Variants in KNG1 observed in about 807,000 individuals in gnomAD.
KNG1 encodes kininogen-1.
Under a neutral mutation model 47.8 loss-of-function variants are expected in KNG1, and 23 were observed. The ratio of observed to expected loss-of-function variants is 0.48; its 90% CI spans 0.35 to 0.68. KNG1 has a LOEUF of 0.68. Ranked by LOEUF, KNG1 falls within the 30% of genes least tolerant of loss-of-function variation. KNG1 has a pLI of 0.01. For synonymous variants in KNG1, 277 were observed against 277.0 expected (o/e 1.00, Z 0.00); for missense variants, 762 against 790.2 (o/e 0.96, Z 0.43).
chr3:186,732,769 C>G, intron 7 of KNG1, 95 bp downstream of exon 7: 1 of 972,466 alleles, frequency 1.0e-6, no homozygotes, highest in Non-Finnish European at 1.7e-6. Flanking sequence ...ATTGGGAAAC[C>G]ATACATTTGA....
intron 7 of KNG1, among the ~76,000 whole-genome samples, chr3:186,735,383 C>T (rs756970056): frequency 6.6e-6 from 1 of 151,988 alleles, no homozygotes; most frequent in South Asian, 2.1e-4. Context: ...TTTGGGAGGC[C>T]GAGGCAGGTG....
At chr3:186,730,711 TATATAC>T (rs1208417377) in intron 5 of KNG1, among the ~76,000 whole-genome samples, 71 of 109,706 alleles carry the variant, frequency 6.5e-4, no homozygotes, top group African/African-American at 2.7e-3. Flanking sequence ...TATATATATA[TATATAC>T]ACACACACAC....
intron 3 of KNG1, 35 bp from the exon 4 acceptor site, chr3:186,725,053 C>A (rs2108622749): frequency 3.7e-6 from 6 of 1,611,612 alleles, no homozygotes; most frequent in Admixed American, 1.7e-5. Flanking sequence ...TGATTGCGAT[C>A]ATTAATGCTG....
At chr3:186,733,806 T>A (rs1389069488) in intron 7 of KNG1, among the ~76,000 whole-genome samples, 2 of 152,074 alleles carry the variant, frequency 1.3e-5, no homozygotes, top group East Asian at 3.9e-4. Flanking sequence ...TCATCTCTAC[T>A]AAAAATACAA....
chr3:186,728,228 T>C (rs1579119969), intron 5 of KNG1: 1 of 152,338 alleles, frequency 6.6e-6, no homozygotes, highest in East Asian at 1.9e-4. Context: ...AGACATGATA[T>C]GTGCCCAGGG....
chr3:186,739,135 G>T lies in KNG1; in HGVS notation c.967G>T (p.Ala323Ser). The T allele has an allele frequency of 6.2e-7, 1 of 1,614,060 alleles. No individual in the cohort carries two copies. The highest frequency in any genetic ancestry group is 8.5e-7 in the Non-Finnish European group (1 of 1,180,006). The change falls in exon 8 of 10, where the codon GCC (alanine) becomes TCC (serine). Residue 323 changes from alanine to serine, a missense_variant. By Grantham distance (99) the Ala-to-Ser change is moderately conservative. Coordinates refer to ENST00000644859, the MANE Select transcript of KNG1 (RefSeq NM_001102416.3). Reference sequence around the variant, plus strand: ...CAAGAAATATTTTATTGACTTCGTGGCCAGGGAAACCACATGTTCCAAGGA... The same window carrying T: ...CAAGAAATATTTTATTGACTTCGTGTCCAGGGAAACCACATGTTCCAAGGA... ...AGKKYFIDFV[A>S]RETTCSKESN... is the part of the protein sequence containing the mutation.
intron 5 of KNG1, among the ~76,000 whole-genome samples, chr3:186,729,355 C>G (rs992395181): frequency 6.6e-6 from 1 of 152,192 alleles, no homozygotes; most frequent in African/African-American, 2.4e-5. Flanking sequence ...AATGCATATT[C>G]AAACACGTGT....
At chr3:186,732,445 T>C in intron 6 of KNG1, 57 bp from the exon 7 acceptor site, 1 of 1,539,040 alleles carries the variant, frequency 6.5e-7, no homozygotes, top group Non-Finnish European at 9.0e-7. Context: ...GCAGGAGGGA[T>C]GCTAGGCCAG....
chr3:186,723,433 G>A (rs1047449309), intron 3 of KNG1, among the ~76,000 whole-genome samples: 1 of 151,942 alleles, frequency 6.6e-6, no homozygotes, highest in African/African-American at 2.4e-5. Context: ...CGCTTACCCC[G>A]CTCAGCCTCT....
rs1323656629 is a variant in KNG1 at position 186,739,105 on chromosome 3, G to C, written c.937G>C (p.Ala313Pro). The C allele has an allele frequency of 1.2e-6, 2 of 1,613,068 alleles. No homozygotes were observed. Among genetic ancestry groups the C allele is most frequent in the Non-Finnish European group, 8.5e-7 (1 of 1,179,210 alleles). Residue 313 changes from alanine to proline, a missense_variant, in exon 8 of 10, where the codon GCT becomes CCT. Transcript: ENST00000644859. ...NVKKARVQVV[A>P]GKKYFIDFVA... Reference sequence around the variant, plus strand: ...GTACTAATTAATTTTTCAGGTGGTGGCTGGCAAGAAATATTTTATTGACTT... The same window carrying C: ...GTACTAATTAATTTTTCAGGTGGTGCCTGGCAAGAAATATTTTATTGACTT...
At chr3:186,718,008 C>T in intron 1 of KNG1, 1 of 342,662 alleles carries the variant, frequency 2.9e-6, no homozygotes. Flanking sequence ...CACCACCCAC[C>T]ACCATCACCC....
chr3:186,724,259 A>G (rs896020762), intron 3 of KNG1, among the ~76,000 whole-genome samples: 3 of 152,192 alleles, frequency 2.0e-5, no homozygotes, highest in Non-Finnish European at 4.4e-5. Flanking sequence ...CTTACATGGC[A>G]GGCAGCGAGA....
At position 186,742,008 on chromosome 3, in the gene KNG1, A is replaced by T; in HGVS notation, c.1612A>T (p.Thr538Ser). 5 of 1,614,212 alleles carry T rather than the reference A, an allele frequency of 3.1e-6. No homozygotes were observed. The highest frequency in any genetic ancestry group is 4.2e-6 in the Non-Finnish European group (5 of 1,180,038). ...SEDSTTPSAQ[T>S]QEKTEGPTPI... ...AGACAGTACTACACCTTCTGCACAG[A>T]CACAAGAGAAGACAGAAGGGCCAAC... The change falls in exon 10 of 10, where the codon ACA becomes TCA. Residue 538 changes from threonine to serine, a missense_variant. Physicochemically the swap from Thr to Ser is moderately conservative, Grantham distance 58. Coordinates refer to ENST00000644859, the MANE Select transcript of KNG1 (RefSeq NM_001102416.3).
intron 1 of KNG1, among the ~76,000 whole-genome samples, 163 bp from the exon 2 acceptor site, chr3:186,719,942 C>T (rs751817958): frequency 6.6e-6 from 1 of 152,142 alleles, no homozygotes; most frequent in African/African-American, 2.4e-5. Context: ...ATATTATAAA[C>T]ATTCTTTCAC....
At chr3:186,719,082 C>T (rs889257187) in intron 1 of KNG1, among the ~76,000 whole-genome samples, 1 of 151,530 alleles carries the variant, frequency 6.6e-6, no homozygotes, top group Non-Finnish European at 1.5e-5. Flanking sequence ...AAAGTAAAAT[C>T]GAGCCATTTT....
In KNG1 at chr3:186,741,872, C is replaced by T. The variant is rs757699139; in HGVS notation, c.1476C>T (p.Asp492=). 1 of 1,613,814 alleles carries T rather than the reference C, an allele frequency of 6.2e-7. No individual in the cohort carries two copies. Residue 492 remains aspartate, a synonymous_variant, in exon 10 of 10, where the codon GAC becomes GAT. Coordinates refer to ENST00000644859, the MANE Select transcript of KNG1 (RefSeq NM_001102416.3). ...AACACCAAGGGGGCCATGTCCTTGA[C>T]CATGGACATAAGCATAAGCATGGTC... ...DLEHQGGHVL[D]HGHKHKHGHG...
At chr3:186,727,055 A>G (rs9882598) in intron 4 of KNG1, among the ~76,000 whole-genome samples, 182 bp from the exon 5 acceptor site, 31,342 of 151,678 alleles carry the variant, frequency 0.21, 3,430 homozygotes, top group South Asian at 0.33. Flanking sequence ...TGTGAGAGAT[A>G]TGAGACTCTT....
chr3:186,725,062 T>A, intron 3 of KNG1, 26 bp from the exon 4 acceptor site: 1 of 1,613,194 alleles, frequency 6.2e-7, no homozygotes, highest in East Asian at 2.2e-5. Context: ...TCATTAATGC[T>A]GTGTTTTTGT....
At chr3:186,733,195 G>A (rs1412966872) in intron 7 of KNG1, among the ~76,000 whole-genome samples, 8 of 152,016 alleles carry the variant, frequency 5.3e-5, no homozygotes, top group Non-Finnish European at 1.0e-4. Context: ...GCAGTGAGCC[G>A]AGATTGCGCC....
Sources: allele counts gnomAD v4.1 joint callset (sites outside exome capture counted in the v4.1 genomes callset), GRCh38; gene constraint gnomAD v4.1.1; transcripts MANE v1.5; gene names NCBI Gene and HGNC (gene_info 2026-07-23, HGNC 2026-07-21).